The following LDB2 variants were observed in gnomAD, a reference collection of about 807,000 sequenced individuals.
LDB2 encodes LIM domain-binding protein 2.
Under a neutral mutation model 44.3 loss-of-function variants are expected in LDB2, and 12 were observed. The ratio of observed to expected loss-of-function variants is 0.27; its 90% CI spans 0.17 to 0.44. The LOEUF is 0.44. Among genes scored for constraint, LDB2 ranks in the 20% least tolerant of loss-of-function variants. LDB2 has a pLI of 1.00. For missense variants in LDB2, 344 were observed against 473.5 expected (o/e 0.73, Z 2.54); for synonymous variants, 164 against 174.8 (o/e 0.94, Z 0.49).
At chr4:16,851,385 G>A (rs1788208022) in intron 1 of LDB2, among the ~76,000 whole-genome samples, 1 of 152,092 alleles carries the variant, frequency 6.6e-6, no homozygotes, top group African/African-American at 2.4e-5. Flanking sequence ...CAAGGCACTT[G>A]AGTTTCTTAG....
chr4:16,845,936 C>T (rs1712498362), intron 1 of LDB2, among the ~76,000 whole-genome samples: 1 of 151,902 alleles, frequency 6.6e-6, no homozygotes, highest in African/African-American at 2.4e-5. Flanking sequence ...GGAGAAACCC[C>T]ATCTCTACCA....
At chr4:16,851,891 A>G (rs1788330506) in intron 1 of LDB2, among the ~76,000 whole-genome samples, 1 of 152,266 alleles carries the variant, frequency 6.6e-6, no homozygotes, top group African/African-American at 2.4e-5. Context: ...TCTGAGAAAC[A>G]TGAGCCACAA....
chr4:16,640,486 T>C (rs901117879), intron 2 of LDB2, among the ~76,000 whole-genome samples: 17 of 152,208 alleles, frequency 1.1e-4, no homozygotes, highest in African/African-American at 4.1e-4. Context: ...TAGGGATGAA[T>C]GCTCAGTCTT....
chr4:16,666,391 G>A (rs1036664196), intron 2 of LDB2, among the ~76,000 whole-genome samples: 3 of 152,178 alleles, frequency 2.0e-5, no homozygotes, highest in African/African-American at 2.4e-5. Context: ...AGGGAGCCTC[G>A]TGAGCCTGCA....
chr4:16,513,510 C>T lies in LDB2; in HGVS notation c.616-1406G>A, dbSNP rs148126851. On this transcript the variant is annotated intron_variant, in intron 5 of 7. Coordinates refer to ENST00000304523, the MANE Select transcript of LDB2 (RefSeq NM_001290.5). ...CTCTGTGTTCCTAGTTTAACTCAAA[C>T]GAATAGATGCATTTAAAGAGTGATT... 1.4e-3 allele frequency among the ~76,000 whole-genome samples: 216 copies of T among 152,280 alleles called. 1 individual carries two copies. The highest frequency in any genetic ancestry group is 4.7e-3 in the African/African-American group (197 of 41,564).
At chr4:16,612,430 G>GT (rs1228129380) in intron 2 of LDB2, among the ~76,000 whole-genome samples, 6 of 152,038 alleles carry the variant, frequency 3.9e-5, no homozygotes, top group Non-Finnish European at 8.8e-5. Context: ...CCAGGAGCAG[G>GT]TTTTTTGAGA....
At chr4:16,541,511 A>G (rs1287883224) in intron 5 of LDB2, among the ~76,000 whole-genome samples, 2 of 152,190 alleles carry the variant, frequency 1.3e-5, no homozygotes, top group African/African-American at 4.8e-5. Context: ...ATTTCTTAAT[A>G]GCGATGCAAG....
chr4:16,752,251 C>G (rs890897539), intron 2 of LDB2, among the ~76,000 whole-genome samples: 3 of 152,126 alleles, frequency 2.0e-5, no homozygotes, highest in African/African-American at 7.2e-5. Flanking sequence ...GATACAGAGC[C>G]CACTCTTTAC....
chr4:16,735,832 G>A (rs1351192230), intron 2 of LDB2, among the ~76,000 whole-genome samples: 1 of 152,180 alleles, frequency 6.6e-6, no homozygotes, highest in Non-Finnish European at 1.5e-5. Flanking sequence ...GGATGAGATA[G>A]TGAAAAATAA....
intron 5 of LDB2, among the ~76,000 whole-genome samples, chr4:16,548,144 C>A (rs1037095396): frequency 2.6e-5 from 4 of 151,918 alleles, no homozygotes. Context: ...TGGTTCTTGA[C>A]CCCCAACTCA....
intron 2 of LDB2, among the ~76,000 whole-genome samples, chr4:16,663,332 T>G (rs1259635632): frequency 1.3e-5 from 2 of 152,210 alleles, no homozygotes; most frequent in Non-Finnish European, 2.9e-5. Flanking sequence ...TTCTGTGGTG[T>G]AAATTCTCCC....
chr4:16,841,043 A>G (rs1272837331), intron 1 of LDB2, among the ~76,000 whole-genome samples: 1 of 151,896 alleles, frequency 6.6e-6, no homozygotes, highest in African/African-American at 2.4e-5. Flanking sequence ...ATCTCATGCA[A>G]ACTCATAACC....
intron 1 of LDB2, among the ~76,000 whole-genome samples, chr4:16,855,389 G>A (rs1244820645): frequency 2.6e-5 from 4 of 152,094 alleles, no homozygotes; most frequent in Admixed American, 6.5e-5. Context: ...CATCGAGTAC[G>A]TGAGTTTTTA....
chr4:16,595,368 T>C (rs368008838), intron 3 of LDB2, among the ~76,000 whole-genome samples: 1 of 152,028 alleles, frequency 6.6e-6, no homozygotes, highest in African/African-American at 2.4e-5. Context: ...CACGCGAAAA[T>C]AGGATATTTC....
At chr4:16,551,586 C>G (rs923444111) in intron 5 of LDB2, among the ~76,000 whole-genome samples, 1 of 152,054 alleles carries the variant, frequency 6.6e-6, no homozygotes, top group African/African-American at 2.4e-5. Context: ...GGCGCGATCT[C>G]GGCTCACTGC....
At chr4:16,847,895 C>T (rs1440238553) in intron 1 of LDB2, among the ~76,000 whole-genome samples, 4 of 152,216 alleles carry the variant, frequency 2.6e-5, no homozygotes, top group South Asian at 4.1e-4. Context: ...GGATTACAGG[C>T]GTGAGCCACC....
chr4:16,842,780 G>T (rs546732882), intron 1 of LDB2, among the ~76,000 whole-genome samples: 5 of 152,146 alleles, frequency 3.3e-5, no homozygotes, highest in Non-Finnish European at 7.3e-5. Flanking sequence ...AGCGATTTGC[G>T]TAGTAGTTAA....
rs552715716 is a variant in LDB2, at chr4:16,743,896, T to C, written c.235+15262A>G. ...GTGTCATTTCGATTCACTAAGTTTT[T>C]GGTAATTTGATATTCTGCAATCGAA... is the stretch of plus-strand genomic sequence containing the variant. On this transcript the variant is annotated intron_variant, in intron 2 of 7. Coordinates refer to ENST00000304523, the MANE Select transcript of LDB2 (RefSeq NM_001290.5). Among the ~76,000 whole-genome samples the C allele has an allele frequency of 2.6e-5, 4 of 152,342 alleles. No individual in the cohort carries two copies. The South Asian group carries it at 8.3e-4, about 32-fold the overall frequency.
chr4:16,512,124 A>T lies in LDB2; in HGVS notation c.616-20T>A. 1 of 1,586,474 alleles carries T rather than the reference A, an allele frequency of 6.3e-7. No individual in the cohort carries two copies. ...ACACAACTGCAAGAAGTTCAAAGAC[A>T]TTGGCATTTCACTACTTCATAACAC... On this transcript the variant is annotated intron_variant, in intron 5 of 7. Coordinates refer to ENST00000304523, the MANE Select transcript of LDB2 (RefSeq NM_001290.5).
Sources: allele counts gnomAD v4.1 joint callset (sites outside exome capture counted in the v4.1 genomes callset), GRCh38; gene constraint gnomAD v4.1.1; transcripts MANE v1.5; gene names NCBI Gene and HGNC (gene_info 2026-07-23, HGNC 2026-07-21).